The following DNAH14 variants were observed in gnomAD, a reference collection of about 807,000 sequenced individuals.
The protein encoded by DNAH14 is axonemal beta dynein heavy chain 14.
In DNAH14, 478 loss-of-function variants were observed where a neutral mutation model predicts 520.9. That is an observed-to-expected ratio of 0.92 (90% confidence interval 0.85 to 0.99). The LOEUF (loss-of-function observed/expected upper bound fraction) is 0.99, where lower values mean the gene tolerates loss of function less well. DNAH14 is among the 50% of genes least tolerant of loss of function. The probability of loss-of-function intolerance (pLI) is 0.00; values close to 1 mark genes in which losing one functional copy is unlikely to be tolerated. For synonymous variants in DNAH14, 1,581 were observed against 1,757.2 expected (o/e 0.90, Z 2.51); for missense variants, 4,831 against 5,234.5 (o/e 0.92, Z 2.38).
chr1:225,078,212 G>A (rs543364479), intron 17 of DNAH14, among the ~76,000 whole-genome samples: 39 of 152,266 alleles, frequency 2.6e-4, no homozygotes, highest in African/African-American at 9.1e-4. Context: ...AATCACAGTT[G>A]TATAACTTGC....
In DNAH14 at chr1:225,050,344, CT is replaced by C. The variant is rs1558790555; in HGVS notation, c.2052del (p.Phe684LeufsTer10). ...EQTRWPDCHI[L>X]FETDPAYQNI... Reference sequence around the variant, plus strand: ...GACCAGATGGCCAGATTGTCACATCCTTTTTGAAACAGATCCTGCCTACCAA... The same window carrying C: ...GACCAGATGGCCAGATTGTCACATCCTTTTGAAACAGATCCTGCCTACCAA... On this transcript the variant is annotated frameshift_variant, in exon 16 of 86. Coordinates refer to ENST00000682510, the MANE Select transcript of DNAH14 (RefSeq NM_001367479.1). LOFTEE classifies it high-confidence loss of function. The C allele has an allele frequency of 1.2e-5, 19 of 1,545,772 alleles. No homozygotes were observed. The highest frequency in any genetic ancestry group is 1.5e-5 in the Non-Finnish European group (17 of 1,145,194).
chr1:225,109,492 C>A (rs545669567), intron 23 of DNAH14, among the ~76,000 whole-genome samples: 10 of 151,880 alleles, frequency 6.6e-5, no homozygotes, highest in African/African-American at 2.4e-4. Context: ...AGATTACTTT[C>A]TTGATTTTTT....
Position 225,185,381 on chromosome 1 carries a change from A to G in DNAH14, c.5626A>G (p.Ile1876Val), listed in dbSNP as rs150319745. Residue 1876 changes from isoleucine (I) to valine (V), a missense_variant, in exon 37 of 86, where the codon ATT becomes GTT. Coordinates refer to ENST00000682510, the MANE Select transcript of DNAH14 (RefSeq NM_001367479.1). ...GGAAAAAGCATTAACGCTATTACCA[A>G]TTGCAGACTTCTTATCAGTTGCAGA... is the stretch of plus-strand genomic sequence containing the variant. The part of the protein sequence containing the change: ...ILEKALTLLP[I>V]ADFLSVAERK... 155 of 1,544,024 alleles carry G rather than the reference A, an allele frequency of 1.0e-4. No individual in the cohort carries two copies. In the African/African-American group the frequency reaches 1.9e-3, roughly 19 times the overall value.
At position 225,061,462 on chromosome 1, in the gene DNAH14, T is replaced by C. The variant is rs556641853; in HGVS notation, c.2424+9667T>C. On this transcript the variant is annotated intron_variant, in intron 17 of 85. Transcript: ENST00000682510. Reference sequence around the variant, plus strand: ...GAATTCCCTGACCCCTTGCGCTTCCTGGGTGAGGCCGTGCCTCACTCTGCT... The same window carrying C: ...GAATTCCCTGACCCCTTGCGCTTCCCGGGTGAGGCCGTGCCTCACTCTGCT... Among the ~76,000 whole-genome samples the C allele has an allele frequency of 5.3e-5, 8 of 152,348 alleles. No homozygotes were observed. In the South Asian group the frequency reaches 1.7e-3, roughly 32 times the overall value.
At chr1:225,016,668 A>G (rs145686156) in intron 10 of DNAH14, among the ~76,000 whole-genome samples, 123 of 152,196 alleles carry the variant, frequency 8.1e-4, no homozygotes, top group African/African-American at 2.8e-3. Flanking sequence ...TGCAACAACC[A>G]TAATCTGAAT....
In DNAH14 at chr1:225,023,836, A is replaced by G. The variant is rs1241054441; in HGVS notation, c.1329A>G (p.Ser443=). Residue 443 remains serine, a synonymous_variant, in exon 11 of 86, where the codon TCA becomes TCG. Coordinates refer to ENST00000682510, the MANE Select transcript of DNAH14 (RefSeq NM_001367479.1). The part of the protein sequence containing the change: ...LFNGSAGMPF[S]VEKKNENLIR... ...ATGGTTCTGCTGGAATGCCATTTTC[A>G]GTGGAAAAAAAGAATGAAAATCTTA... is the stretch of plus-strand genomic sequence containing the variant. 5 of 1,531,498 alleles carry G rather than the reference A, an allele frequency of 3.3e-6. No homozygotes were observed. The South Asian group carries it at 3.8e-5, about 12-fold the overall frequency. 94.9% of individuals were successfully genotyped at this position (1,531,498 alleles called of 1,614,324 possible).
intron 8 of DNAH14, among the ~76,000 whole-genome samples, chr1:224,999,884 T>C (rs2063639084): frequency 6.6e-6 from 1 of 152,190 alleles, no homozygotes; most frequent in Middle Eastern, 3.2e-3. Context: ...TTTTTATGCA[T>C]ACATTTGAAA....
At chr1:225,161,227 A>G (rs2081493269) in intron 35 of DNAH14, among the ~76,000 whole-genome samples, 1 of 152,044 alleles carries the variant, frequency 6.6e-6, no homozygotes, top group Non-Finnish European at 1.5e-5. Context: ...CGTAAGTTTA[A>G]TTGTTTTTAT....
At position 225,353,860 on chromosome 1, in the gene DNAH14, A is replaced by T; in HGVS notation, c.11591A>T (p.Lys3864Ile). 1.5e-6 allele frequency: 2 copies of T among 1,308,016 alleles called. No individual in the cohort carries two copies. Among genetic ancestry groups the T allele is most frequent in the Non-Finnish European group, 2.1e-6 (2 of 943,046 alleles). 81.0% of individuals were successfully genotyped at this position (1,308,016 alleles called of 1,614,324 possible). ...TCNPINFPWE[K>I]LTSFQRLILV... ...AATCCTATAAATTTTCCCTGGGAGAAACTCACTTCATTTCAAAGACTTATT... is the reference window on the plus strand; with the variant it reads ...AATCCTATAAATTTTCCCTGGGAGATACTCACTTCATTTCAAAGACTTATT... Residue 3864 changes from lysine (K) to isoleucine (I), a missense_variant, in exon 73 of 86, where the codon AAA becomes ATA. Transcript: ENST00000682510.
chr1:225,085,769 C>G lies in DNAH14; in HGVS notation c.3553C>G (p.Pro1185Ala). The change falls in exon 21 of 86, where the codon CCC (proline) becomes GCC (alanine). Residue 1185 changes from proline to alanine, a missense_variant. By Grantham distance (27) the Pro-to-Ala change is conservative. Coordinates refer to ENST00000682510, the MANE Select transcript of DNAH14 (RefSeq NM_001367479.1). ...CATACTTGCAACAATTAAAGGATCT[C>G]CCCACATTGGGCCCATTAAGGTAAG... ...QVILATIKGS[P>A]HIGPIKDLVN... 1 of 1,549,136 alleles carries G rather than the reference C, an allele frequency of 6.5e-7. No homozygotes were observed. Among genetic ancestry groups the G allele is most frequent in the Non-Finnish European group, 8.7e-7 (1 of 1,146,212 alleles).
At chr1:224,939,140 G>A (rs2501071) in intron 1 of DNAH14, among the ~76,000 whole-genome samples, 273 of 152,238 alleles carry the variant, frequency 1.8e-3, no homozygotes, top group African/African-American at 6.0e-3. Context: ...CATTAAAAAA[G>A]AGAAATAACA....
chr1:225,229,922 T>A (rs969952146), intron 41 of DNAH14, among the ~76,000 whole-genome samples: 2 of 151,982 alleles, frequency 1.3e-5, no homozygotes, highest in African/African-American at 4.8e-5. Context: ...TAATAAAAAA[T>A]AAAAATGTAT....
intron 36 of DNAH14, among the ~76,000 whole-genome samples, chr1:225,179,798 G>A (rs2083752833): frequency 6.6e-6 from 1 of 152,172 alleles, no homozygotes; most frequent in African/African-American, 2.4e-5. Flanking sequence ...AGACAGGTCT[G>A]ATGGTGATGA....
At chr1:225,276,717 A>G (rs1558240189) in intron 53 of DNAH14, among the ~76,000 whole-genome samples, 1 of 151,032 alleles carries the variant, frequency 6.6e-6, no homozygotes, top group African/African-American at 2.4e-5. Context: ...GGTCAACATA[A>G]TGAAACCCTA....
intron 66 of DNAH14, among the ~76,000 whole-genome samples, chr1:225,334,908 G>GTGTGGGTGTGTA (rs58202867): frequency 1.4e-5 from 2 of 146,376 alleles, no homozygotes; most frequent in East Asian, 4.1e-4. Flanking sequence ...GTGTGTGTGT[G>GTGTGGGTGTGTA]TATATGTATA....
intron 17 of DNAH14, among the ~76,000 whole-genome samples, chr1:225,077,414 G>A (rs1013345767): frequency 1.3e-5 from 2 of 152,012 alleles, no homozygotes; most frequent in Non-Finnish European, 1.5e-5. Flanking sequence ...TGAAGTTTGG[G>A]TATATTTTAC....
chr1:225,172,896 G>A (rs1415396528), intron 36 of DNAH14, among the ~76,000 whole-genome samples: 4 of 152,124 alleles, frequency 2.6e-5, no homozygotes, highest in African/African-American at 9.7e-5. Flanking sequence ...GCATGGTACT[G>A]GTACCAAAAC....
intron 1 of DNAH14, among the ~76,000 whole-genome samples, chr1:224,947,869 CTAATT>C (rs1399899748): frequency 2.6e-5 from 4 of 151,826 alleles, no homozygotes; most frequent in African/African-American, 9.7e-5. Flanking sequence ...TATTTCTACT[CTAATT>C]GTATTGTGGT....
chr1:225,366,242 T>C (rs1005712698), intron 76 of DNAH14, among the ~76,000 whole-genome samples: 2 of 152,186 alleles, frequency 1.3e-5, no homozygotes, highest in Admixed American at 1.3e-4. Context: ...AGGGAGATAT[T>C]AATCCAGAAA....
Sources: gnomAD v4.1 joint callset for allele counts (sites outside exome capture counted in the v4.1 genomes callset) on GRCh38, gnomAD v4.1.1 for gene constraint, MANE v1.5 for transcripts, NCBI Gene and HGNC (gene_info 2026-07-23, HGNC 2026-07-21) for gene names.